Variants in MYOM2 observed in about 807,000 individuals in gnomAD.
MYOM2 encodes the protein myomesin-2.
Under a neutral mutation model 187.6 loss-of-function variants are expected in MYOM2, and 254 were observed. The ratio of observed to expected loss-of-function variants is 1.35; its 90% CI spans 1.22 to 1.50. The LOEUF (loss-of-function observed/expected upper bound fraction) is 1.50. MYOM2 is among the 40% of genes most tolerant of loss of function. The pLI is 0.00. For missense variants in MYOM2, 2,796 were observed against 1,924.0 expected (o/e 1.45, Z -8.48); for synonymous variants, 981 against 753.8 (o/e 1.30, Z -4.94).
chr8:2,047,123 A>G (rs535053393), intron 1 of MYOM2, among the ~76,000 whole-genome samples: 1 of 152,318 alleles, frequency 6.6e-6, no homozygotes, highest in South Asian at 2.1e-4. Flanking sequence ...TGGTCCAAGC[A>G]TTTTGGATAA....
chr8:2,141,254 C>G, intron 34 of MYOM2, 77 bp downstream of exon 34: 1 of 1,321,802 alleles, frequency 7.6e-7, no homozygotes, highest in Non-Finnish European at 1.1e-6. Flanking sequence ...ATGTGGGAAT[C>G]TGTATGGAAG....
chr8:2,122,733 C>T lies in MYOM2; in HGVS notation c.3454-519C>T, dbSNP rs117166525. Reference sequence around the variant, plus strand: ...TTCGGAGTTCCGCAAAGCTTAGTTTCTAGCCAGCGATTGAATTGTGAGGAA... The same window carrying T: ...TTCGGAGTTCCGCAAAGCTTAGTTTTTAGCCAGCGATTGAATTGTGAGGAA... On this transcript the variant is annotated intron_variant, in intron 28 of 36. Coordinates refer to ENST00000262113, the MANE Select transcript of MYOM2 (RefSeq NM_003970.4). Among the ~76,000 whole-genome samples, 538 of 152,328 alleles carry T rather than the reference C, an allele frequency of 3.5e-3. 4 individuals carry two copies. The highest frequency in any genetic ancestry group is 5.8e-3 in the Non-Finnish European group (396 of 68,030).
At chr8:2,131,037 C>T (rs545551845) in intron 32 of MYOM2, among the ~76,000 whole-genome samples, 23 of 151,594 alleles carry the variant, frequency 1.5e-4, no homozygotes, top group Non-Finnish European at 2.8e-4. Flanking sequence ...GGAAAGGCCA[C>T]CCCCCTCTTC....
At chr8:2,127,782 G>C (rs1310995717) in intron 31 of MYOM2, 1 of 158,026 alleles carries the variant, frequency 6.3e-6, no homozygotes, top group Non-Finnish European at 1.4e-5. Context: ...GCAGTACCTC[G>C]GCGTGACGCC....
chr8:2,110,334 C>T (rs543985206), intron 25 of MYOM2, among the ~76,000 whole-genome samples: 5 of 152,100 alleles, frequency 3.3e-5, no homozygotes, highest in Non-Finnish European at 7.4e-5. Context: ...ACAACAACAA[C>T]AAAAAAGGCA....
chr8:2,097,485 C>G (rs1009965293), intron 18 of MYOM2, among the ~76,000 whole-genome samples: 1 of 152,090 alleles, frequency 6.6e-6, no homozygotes, highest in East Asian at 1.9e-4. Context: ...CAATTTTTTG[C>G]AGTGAGAACA....
chr8:2,078,685 G>A (rs1393946276), intron 11 of MYOM2, 49 bp from the exon 12 acceptor site: 16 of 1,564,730 alleles, frequency 1.0e-5, no homozygotes, highest in Non-Finnish European at 1.4e-5. Flanking sequence ...ATATTTAGTA[G>A]GTTGCCACAT....
chr8:2,061,205 T>C (rs1818841274), intron 6 of MYOM2, among the ~76,000 whole-genome samples: 1 of 151,736 alleles, frequency 6.6e-6, no homozygotes, highest in African/African-American at 2.4e-5. Context: ...TCTGTCCCCA[T>C]CCAGCCTGGT....
chr8:2,046,627 G>C (rs1818319102), intron 1 of MYOM2, among the ~76,000 whole-genome samples: 1 of 152,174 alleles, frequency 6.6e-6, no homozygotes, highest in Non-Finnish European at 1.5e-5. Context: ...GGAGGCCCCT[G>C]AGCTGAAGGT....
intron 32 of MYOM2, among the ~76,000 whole-genome samples, chr8:2,138,087 C>T (rs1173223016): frequency 2.0e-5 from 3 of 152,194 alleles, no homozygotes; most frequent in East Asian, 1.9e-4. Flanking sequence ...TGCAATGGCC[C>T]ATCAATCCCT....
intron 3 of MYOM2, among the ~76,000 whole-genome samples, chr8:2,053,745 C>G (rs1027647078): frequency 2.6e-5 from 4 of 152,194 alleles, no homozygotes; most frequent in South Asian, 4.1e-4. Flanking sequence ...GCCAGTCTGT[C>G]TTAGACGTAG....
intron 13 of MYOM2, among the ~76,000 whole-genome samples, chr8:2,083,543 G>A (rs1325882026): frequency 1.3e-5 from 2 of 152,344 alleles, no homozygotes; most frequent in East Asian, 3.9e-4. Flanking sequence ...CATCTTGCGT[G>A]TGCTTAGCGG....
At chr8:2,110,767 C>G (rs887270758) in intron 25 of MYOM2, among the ~76,000 whole-genome samples, 1 of 152,212 alleles carries the variant, frequency 6.6e-6, no homozygotes, top group Non-Finnish European at 1.5e-5. Context: ...AGCTGGACCC[C>G]TCATTGCAGT....
At chr8:2,074,753 G>A (rs924805025) in intron 10 of MYOM2, among the ~76,000 whole-genome samples, 17 of 152,266 alleles carry the variant, frequency 1.1e-4, no homozygotes, top group East Asian at 3.9e-4. Flanking sequence ...CACCGCGCCC[G>A]GCCCCACCTA....
intron 28 of MYOM2, among the ~76,000 whole-genome samples, chr8:2,120,458 A>C (rs1475513668): frequency 6.6e-6 from 1 of 150,894 alleles, no homozygotes; most frequent in African/African-American, 2.4e-5. Flanking sequence ...CCTGTGGAGC[A>C]GAGGTCTGCA....
chr8:2,069,256 C>G, intron 6 of MYOM2, 22 bp from the exon 7 acceptor site: 3 of 1,601,214 alleles, frequency 1.9e-6, no homozygotes, highest in African/African-American at 2.7e-5. Context: ...CGCAGACTTT[C>G]TCTTGTTTTT....
At chr8:2,112,375 A>C (rs1265784800) in intron 25 of MYOM2, among the ~76,000 whole-genome samples, 2 of 145,480 alleles carry the variant, frequency 1.4e-5, no homozygotes, top group Non-Finnish European at 3.0e-5. Flanking sequence ...AATGGGTGTT[A>C]AGGAGGTAGA....
chr8:2,067,211 A>G (rs1819047132), intron 6 of MYOM2, among the ~76,000 whole-genome samples: 1 of 152,222 alleles, frequency 6.6e-6, no homozygotes, highest in South Asian at 2.1e-4. Context: ...AGAAGAAAAT[A>G]AAATTACTAA....
At position 2,079,712 on chromosome 8, in the gene MYOM2, C is replaced by T. The variant is rs1015186221; in HGVS notation, c.1516+99C>T. ...GACAGAGAACGCCCCCTACTGGGCACGGCCTCTGCATGGAAAAATGAAAAC... is the reference window on the plus strand; with the variant it reads ...GACAGAGAACGCCCCCTACTGGGCATGGCCTCTGCATGGAAAAATGAAAAC... On this transcript the variant is annotated intron_variant, in intron 13 of 36. Transcript: ENST00000262113. 5.4e-5 allele frequency: 69 copies of T among 1,268,946 alleles called. 1 individual carries two copies. The highest frequency in any genetic ancestry group is 3.2e-4 in the Admixed American group (19 of 59,220). 78.6% of individuals were successfully genotyped at this position (1,268,946 alleles called of 1,614,324 possible).
Sources: allele counts gnomAD v4.1 joint callset (sites outside exome capture counted in the v4.1 genomes callset), GRCh38; gene constraint gnomAD v4.1.1; transcripts MANE v1.5; gene names NCBI Gene and HGNC (gene_info 2026-07-23, HGNC 2026-07-21).